Variants in TEX9 observed in about 807,000 individuals in gnomAD.
TEX9 encodes testis expressed 9, also known as testis-expressed protein 9.
In TEX9, 74 loss-of-function variants were observed where a neutral mutation model predicts 59.6. That is an observed-to-expected ratio of 1.24 (90% CI 1.03 to 1.51). The LOEUF (loss-of-function observed/expected upper bound fraction) is 1.51, where lower values mean the gene tolerates loss of function less well. Among genes scored for constraint, TEX9 ranks in the 40% most tolerant of loss-of-function variants. The pLI, the probability that TEX9 is intolerant of heterozygous loss-of-function variation, is 0.00. For synonymous variants in TEX9, 186 were observed against 152.2 expected, an observed-to-expected ratio of 1.22 and a Z score of -1.64; for missense variants, 522 against 447.8, an observed-to-expected ratio of 1.17 and a Z score of -1.49.
intron 1 of TEX9, among the ~76,000 whole-genome samples, chr15:56,246,610 A>G (rs1315646994): frequency 6.6e-6 from 1 of 152,128 alleles, no homozygotes; most frequent in African/African-American, 2.4e-5. Flanking sequence ...TGTACTGAGG[A>G]CCCTCAAGGA....
In TEX9 at chr15:56,365,681, C is replaced by T. The variant is rs1207234324; in HGVS notation, c.119+11C>T. ...GGAGGAAGAATATAAGTAAGAAATTCGGCGGTTGAACTTTTCCTTCTTTCT... is the reference window on the plus strand; with the variant it reads ...GGAGGAAGAATATAAGTAAGAAATTTGGCGGTTGAACTTTTCCTTCTTTCT... On this transcript the variant is annotated intron_variant, in intron 2 of 12. Transcript: ENST00000352903. 6 of 1,613,634 alleles carry T rather than the reference C, an allele frequency of 3.7e-6. No homozygotes were observed. Among genetic ancestry groups the T allele is most frequent in the East Asian group, 2.2e-5 (1 of 44,878 alleles).
At chr15:56,283,573 A>G (rs1351672018) in intron 1 of TEX9, among the ~76,000 whole-genome samples, 1 of 152,186 alleles carries the variant, frequency 6.6e-6, no homozygotes, top group Non-Finnish European at 1.5e-5. Flanking sequence ...AAAATCCTGT[A>G]GATTCTCACT....
intron 1 of TEX9, among the ~76,000 whole-genome samples, chr15:56,350,564 T>C (rs2046557922): frequency 6.6e-6 from 1 of 152,228 alleles, no homozygotes; most frequent in South Asian, 2.1e-4. Context: ...TAATTTCAGA[T>C]TCTACTCATT....
chr15:56,419,115 A>C (rs1314788015), intron 10 of TEX9, among the ~76,000 whole-genome samples: 1 of 151,478 alleles, frequency 6.6e-6, no homozygotes, highest in Non-Finnish European at 1.5e-5. Context: ...GGTTTTACAC[A>C]CTTTTTTTTC....
At chr15:56,269,261 C>T (rs2141382394) in intron 1 of TEX9, among the ~76,000 whole-genome samples, 1 of 151,808 alleles carries the variant, frequency 6.6e-6, no homozygotes, top group Middle Eastern at 3.4e-3. Context: ...TTGTTGATCT[C>T]AAAAAACCAG....
At chr15:56,456,113 T>C in the TEX9 span, among the ~76,000 whole-genome samples, 5 of 152,116 alleles carry the variant, frequency 3.3e-5, no homozygotes, top group Admixed American at 1.3e-4. Flanking sequence ...CTCTTAAGAT[T>C]AGGAATTCAT....
the TEX9 span, among the ~76,000 whole-genome samples, chr15:56,458,392 A>G: frequency 2.0e-5 from 3 of 152,210 alleles, no homozygotes; most frequent in Non-Finnish European, 4.4e-5. Flanking sequence ...TTCCCCTTCT[A>G]TCAGCCTCCT....
Position 56,273,870 on chromosome 15 carries a change from C to T in TEX9, c.-107+29592C>T, listed in dbSNP as rs528635949. On this transcript the variant is annotated intron_variant, in intron 1 of 5. Transcript: ENST00000560827. Reference sequence around the variant, plus strand: ...GTTGTCTCTAAGATTATCCCTTTATCGTTCACTTTTAGCACTTTGAATATA... The same window carrying T: ...GTTGTCTCTAAGATTATCCCTTTATTGTTCACTTTTAGCACTTTGAATATA... Among the ~76,000 whole-genome samples the T allele has an allele frequency of 1.1e-4, 17 of 152,210 alleles. No individual in the cohort carries two copies. In the South Asian group the frequency reaches 1.9e-3, roughly 17 times the overall value.
intron 1 of TEX9, among the ~76,000 whole-genome samples, chr15:56,300,708 G>GAGAGGGAGAGAGA (rs2045331855): frequency 9.7e-6 from 1 of 102,668 alleles, no homozygotes; most frequent in East Asian, 3.6e-4. Context: ...AGAGAGAGAG[G>GAGAGGGAGAGAGA]GAGAGAGAGA....
At chr15:56,323,326 G>A in intron 1 of TEX9, 1 of 202,544 alleles carries the variant, frequency 4.9e-6, no homozygotes, top group Non-Finnish European at 1.1e-5. Flanking sequence ...AAAAAGTAAT[G>A]AAAACCTGTG....
chr15:56,363,067 T>C (rs981899573), upstream of TEX9, among the ~76,000 whole-genome samples: 17 of 152,238 alleles, frequency 1.1e-4, no homozygotes, highest in Non-Finnish European at 2.5e-4. Context: ...TTTGTACATA[T>C]ACTTTTCATG....
At chr15:56,429,323 A>C in intron 12 of TEX9, 1 of 610,956 alleles carries the variant, frequency 1.6e-6, no homozygotes, top group Non-Finnish European at 2.7e-6. Flanking sequence ...AGATTAATGA[A>C]ACTTTAAAAA....
chr15:56,381,285 A>T (rs1362546839), intron 3 of TEX9, among the ~76,000 whole-genome samples: 2 of 152,114 alleles, frequency 1.3e-5, no homozygotes, highest in African/African-American at 4.8e-5. Context: ...AATTTATCTG[A>T]TAGAATTTTG....
intron 9 of TEX9, among the ~76,000 whole-genome samples, chr15:56,410,762 T>C (rs1021317204): frequency 6.6e-6 from 1 of 152,206 alleles, no homozygotes; most frequent in Non-Finnish European, 1.5e-5. Flanking sequence ...AGGGGAAAGA[T>C]TCATTTCTAT....
At chr15:56,389,914 G>A (rs1315528936) in intron 6 of TEX9, among the ~76,000 whole-genome samples, 1 of 151,912 alleles carries the variant, frequency 6.6e-6, no homozygotes, top group Admixed American at 6.6e-5. Context: ...AGGGACCCAA[G>A]ATGCTCCCTA....
intron 12 of TEX9, chr15:56,434,414 A>G (rs748299325): frequency 1.3e-6 from 2 of 1,592,728 alleles, no homozygotes; most frequent in African/African-American, 2.7e-5. Context: ...TACAGCTGAA[A>G]GTTAATTTAG....
At chr15:56,450,103 A>T (rs1267515536), downstream of TEX9, among the ~76,000 whole-genome samples, 1 of 152,172 alleles carries the variant, frequency 6.6e-6, no homozygotes, top group African/African-American at 2.4e-5. Context: ...TCATTCCAGA[A>T]GAGAATTTGC....
chr15:56,320,582 C>T (rs2045879553), intron 1 of TEX9, among the ~76,000 whole-genome samples: 1 of 152,160 alleles, frequency 6.6e-6, no homozygotes, highest in South Asian at 2.1e-4. Flanking sequence ...CTTCTAAGGA[C>T]ACTATTTCTA....
chr15:56,314,867 G>T (rs1381793962), intron 1 of TEX9, among the ~76,000 whole-genome samples: 2 of 151,798 alleles, frequency 1.3e-5, no homozygotes, highest in African/African-American at 2.4e-5. Flanking sequence ...AGGATAGTTA[G>T]CTCTTCTTGT....
Sources: allele counts gnomAD v4.1 joint callset (sites outside exome capture counted in the v4.1 genomes callset), GRCh38; gene constraint gnomAD v4.1.1; transcripts MANE v1.5; gene names NCBI Gene and HGNC (gene_info 2026-07-23, HGNC 2026-07-21).